Variants in ANKRD44 observed in about 807,000 individuals in gnomAD.
ANKRD44 encodes the protein serine/threonine-protein phosphatase 6 regulatory ankyrin repeat subunit B.
ANKRD44 carries 35 observed loss-of-function variants against 116.0 expected under a neutral mutation model. That is an observed-to-expected ratio of 0.30 (90% CI 0.23 to 0.40). ANKRD44 has a LOEUF of 0.40. Among genes scored for constraint, ANKRD44 ranks in the 10% least tolerant of loss-of-function variants. The pLI is 1.00. For missense variants in ANKRD44, 1,014 were observed against 1,242.6 expected, an observed-to-expected ratio of 0.82 and a Z score of 2.77; for synonymous variants, 435 against 461.8, an observed-to-expected ratio of 0.94 and a Z score of 0.74.
chr2:197,213,352 G>C (rs1315468348), intron 1 of ANKRD44, among the ~76,000 whole-genome samples: 1 of 152,086 alleles, frequency 6.6e-6, no homozygotes, highest in African/African-American at 2.4e-5. Flanking sequence ...CAGTTTTCTG[G>C]TTTTCAAAAT....
At chr2:197,188,684 T>G (rs1338113387) in intron 1 of ANKRD44, among the ~76,000 whole-genome samples, 1 of 152,198 alleles carries the variant, frequency 6.6e-6, no homozygotes, top group African/African-American at 2.4e-5. Context: ...TAAGAAATGT[T>G]TCACGATGAC....
chr2:197,125,507 G>C, intron 5 of ANKRD44, 39 bp from the exon 6 acceptor site: 3 of 1,561,276 alleles, frequency 1.9e-6, no homozygotes, highest in Non-Finnish European at 2.6e-6. Flanking sequence ...CATACATTCT[G>C]TAATGGTGAG....
chr2:197,091,962 C>T (rs2078053045), intron 10 of ANKRD44, among the ~76,000 whole-genome samples: 1 of 152,164 alleles, frequency 6.6e-6, no homozygotes, highest in African/African-American at 2.4e-5. Context: ...GACCGACCCC[C>T]ACTAAGACAC....
At position 197,215,576 on chromosome 2, in the gene ANKRD44, C is replaced by T. The variant is rs2081425157; in HGVS notation, c.28-28470G>A. ...AATTTTTGATGACCTCAAATGGCTTCAATTAAATGAAATCAAATCAAATAT... is the reference window on the plus strand; with the variant it reads ...AATTTTTGATGACCTCAAATGGCTTTAATTAAATGAAATCAAATCAAATAT... On this transcript the variant is annotated intron_variant, in intron 1 of 27. Transcript: ENST00000282272. Among the ~76,000 whole-genome samples the T allele has an allele frequency of 2.6e-5, 4 of 152,028 alleles. No homozygotes were observed. The South Asian group carries it at 8.3e-4, about 32-fold the overall frequency.
intron 1 of ANKRD44, among the ~76,000 whole-genome samples, chr2:197,260,613 G>A (rs2105724987): frequency 6.6e-6 from 1 of 151,808 alleles, no homozygotes; most frequent in South Asian, 2.1e-4. Flanking sequence ...TGGGATGGCT[G>A]GGTGAAATGG....
chr2:197,078,332 C>T (rs889526991), intron 16 of ANKRD44: 1 of 311,676 alleles, frequency 3.2e-6, no homozygotes, highest in African/African-American at 2.2e-5. Flanking sequence ...CACACGCATA[C>T]ACATTTTGTG....
At chr2:197,277,268 G>A (rs1434532201) in intron 1 of ANKRD44, among the ~76,000 whole-genome samples, 2 of 152,034 alleles carry the variant, frequency 1.3e-5, no homozygotes, top group African/African-American at 4.8e-5. Context: ...AGGACACGGA[G>A]TGCACCAAGC....
intron 1 of ANKRD44, among the ~76,000 whole-genome samples, chr2:197,230,771 C>T (rs1318411165): frequency 6.6e-6 from 1 of 152,096 alleles, no homozygotes; most frequent in African/African-American, 2.4e-5. Context: ...CGTAGTCATT[C>T]GGGGCCTCGG....
intron 1 of ANKRD44, among the ~76,000 whole-genome samples, chr2:197,252,780 T>C (rs747317747): frequency 5.9e-5 from 9 of 152,162 alleles, no homozygotes; most frequent in Non-Finnish European, 1.2e-4. Flanking sequence ...AAGACTAATA[T>C]TTATATTGAT....
At chr2:197,251,258 A>AT (rs1308550837) in intron 1 of ANKRD44, among the ~76,000 whole-genome samples, 3 of 152,272 alleles carry the variant, frequency 2.0e-5, no homozygotes, top group Admixed American at 2.0e-4. Context: ...AACATTCCAT[A>AT]TTTTGTCTGT....
intron 1 of ANKRD44, among the ~76,000 whole-genome samples, chr2:197,248,707 CT>C (rs1246062463): frequency 6.6e-6 from 1 of 151,542 alleles, no homozygotes; most frequent in African/African-American, 2.4e-5. Context: ...CTATGGAGGA[CT>C]GCTGTGGGAA....
At chr2:196,972,855 A>G (rs959531275) in intron 21 of ANKRD44, among the ~76,000 whole-genome samples, 1 of 152,204 alleles carries the variant, frequency 6.6e-6, no homozygotes, top group African/African-American at 2.4e-5. Flanking sequence ...GTATAATTCT[A>G]ATGTTAATGG....
At chr2:197,026,310 A>T (rs993949571) in intron 16 of ANKRD44, among the ~76,000 whole-genome samples, 1 of 152,216 alleles carries the variant, frequency 6.6e-6, no homozygotes, top group Non-Finnish European at 1.5e-5. Context: ...GTTTATTAGA[A>T]AGTGCAAGGT....
chr2:197,029,534 A>G (rs2076663939), intron 16 of ANKRD44: 2 of 481,498 alleles, frequency 4.2e-6, no homozygotes, highest in South Asian at 1.5e-5. Flanking sequence ...AAGCACTTTC[A>G]GTCCAATGCA....
intron 1 of ANKRD44, among the ~76,000 whole-genome samples, chr2:197,270,213 G>A (rs919903933): frequency 6.6e-6 from 1 of 152,144 alleles, no homozygotes; most frequent in African/African-American, 2.4e-5. Flanking sequence ...GGGGTGGGAG[G>A]TGAGGATGAG....
At chr2:197,248,574 G>GTATATATATATATATATATA (rs1237255982) in intron 1 of ANKRD44, among the ~76,000 whole-genome samples, 6 of 118,788 alleles carry the variant, frequency 5.1e-5, no homozygotes, top group Non-Finnish European at 7.2e-5. Context: ...GTGTGTGTGT[G>GTATATATATATATATATATA]TGTGTATATA....
chr2:197,144,951 A>T (rs1195721530), intron 3 of ANKRD44, among the ~76,000 whole-genome samples: 1 of 152,240 alleles, frequency 6.6e-6, no homozygotes, highest in Non-Finnish European at 1.5e-5. Flanking sequence ...TTGTACATTC[A>T]TGAAACATTC....
chr2:196,975,838 A>C (rs1368635661), intron 21 of ANKRD44, among the ~76,000 whole-genome samples: 1 of 149,958 alleles, frequency 6.7e-6, no homozygotes, highest in Non-Finnish European at 1.5e-5. Flanking sequence ...AGAAAGAAAG[A>C]AAGAAGGAAA....
rs1211670826 is a variant in ANKRD44 at position 197,001,755 on chromosome 2, T to C, written c.2433A>G (p.Ala811=). The C allele has an allele frequency of 7.5e-6, 12 of 1,608,700 alleles. No homozygotes were observed. Among genetic ancestry groups the C allele is most frequent in the South Asian group, 1.1e-5 (1 of 90,446 alleles). Residue 811 remains alanine (A), a splice_region_variant and synonymous_variant, in exon 22 of 28, where the codon GCA becomes GCG. Transcript: ENST00000282272. ...IGNPFTPLHC[A]IINDHGNCAS... ...TAACTCTCAGCGTTTCTACTTACAT[T>C]GCACAGTGCAGTGGAGTAAAGGGAT...
Sources: gnomAD v4.1 joint callset for allele counts (sites outside exome capture counted in the v4.1 genomes callset) on GRCh38, gnomAD v4.1.1 for gene constraint, MANE v1.5 for transcripts, NCBI Gene and HGNC (gene_info 2026-07-23, HGNC 2026-07-21) for gene names.